The following THOC7 variants were observed in gnomAD, a reference collection of about 807,000 sequenced individuals.
The protein encoded by THOC7 is THO complex subunit 7.
In THOC7, 22 loss-of-function variants were observed where a neutral mutation model predicts 33.1. The observed-to-expected ratio is 0.66, with a 90% CI of 0.47 to 0.95. THOC7 has a LOEUF of 0.95. Among genes scored for constraint, THOC7 ranks in the 40% least tolerant of loss-of-function variants. THOC7 has a pLI of 0.00. For missense variants in THOC7, 184 were observed against 245.3 expected (o/e 0.75, Z 1.67); for synonymous variants, 77 against 76.8 (o/e 1.00, Z -0.01).
intron 1 of THOC7, among the ~76,000 whole-genome samples, chr3:63,850,331 G>C (rs931903435): frequency 3.3e-5 from 5 of 151,582 alleles, no homozygotes; most frequent in African/African-American, 1.2e-4. Context: ...CTCACAAGTA[G>C]CTGGGATTAT....
intron 1 of THOC7, chr3:63,863,479 C>G (rs902699208): frequency 3.4e-6 from 4 of 1,166,976 alleles, no homozygotes; most frequent in Non-Finnish European, 4.2e-6. Context: ...GTGTTCCCAG[C>G]CCACCGACCA....
At chr3:63,860,087 G>A (rs1702180582) in intron 1 of THOC7, among the ~76,000 whole-genome samples, 1 of 152,232 alleles carries the variant, frequency 6.6e-6, no homozygotes, top group Non-Finnish European at 1.5e-5. Flanking sequence ...TCCTGCCTCA[G>A]CCTCCTGAGT....
chr3:63,855,144 C>T (rs1702092283), intron 1 of THOC7, among the ~76,000 whole-genome samples: 1 of 152,050 alleles, frequency 6.6e-6, no homozygotes, highest in Non-Finnish European at 1.5e-5. Context: ...ATCAAAATGC[C>T]TCATATCCAA....
intron 1 of THOC7, among the ~76,000 whole-genome samples, chr3:63,843,519 T>C (rs1701814420): frequency 6.6e-6 from 1 of 152,172 alleles, no homozygotes; most frequent in African/African-American, 2.4e-5. Flanking sequence ...GTCAAAGAGG[T>C]ATCTGCACTC....
intron 1 of THOC7, among the ~76,000 whole-genome samples, chr3:63,854,401 T>G (rs541898140): frequency 6.6e-6 from 1 of 152,366 alleles, no homozygotes; most frequent in Admixed American, 6.5e-5. Context: ...CAAATTATCA[T>G]GCTTGAAACC....
chr3:63,835,237 A>G lies in THOC7; in HGVS notation c.478-14T>C, dbSNP rs1398680576. ...TCTCAATTCCAGCTGTGTTAACAAG[A>G]AAAAAATTTATACAAATGACCTGTA... On this transcript the variant is annotated splice_polypyrimidine_tract_variant and intron_variant, in intron 6 of 7. Transcript: ENST00000295899. 6 of 1,613,414 alleles carry G rather than the reference A, an allele frequency of 3.7e-6. No individual in the cohort carries two copies. The Admixed American group carries it at 1.0e-4, about 27-fold the overall frequency.
At chr3:63,841,091 A>G (rs1285721794) in intron 1 of THOC7, among the ~76,000 whole-genome samples, 3 of 152,248 alleles carry the variant, frequency 2.0e-5, no homozygotes, top group Non-Finnish European at 4.4e-5. Context: ...AGCCAAAAGA[A>G]TAGTGCAGAT....
At chr3:63,843,169 A>T (rs894009602) in intron 1 of THOC7, among the ~76,000 whole-genome samples, 2 of 151,980 alleles carry the variant, frequency 1.3e-5, no homozygotes, top group Admixed American at 1.3e-4. Context: ...TCCAGGCTAG[A>T]GTACAGTGGC....
intron 2 of THOC7, among the ~76,000 whole-genome samples, chr3:63,839,144 T>C (rs1370281091): frequency 1.3e-5 from 2 of 152,042 alleles, no homozygotes; most frequent in African/African-American, 4.8e-5. Context: ...GAGCCAAGAT[T>C]GTGCCATTGC....
intron 1 of THOC7, among the ~76,000 whole-genome samples, chr3:63,845,284 G>C (rs550294192): frequency 6.6e-6 from 1 of 152,280 alleles, no homozygotes; most frequent in African/African-American, 2.4e-5. Context: ...TTGTACTGTG[G>C]CAGGGCACAT....
intron 1 of THOC7, among the ~76,000 whole-genome samples, chr3:63,852,119 T>G (rs1031537386): frequency 6.6e-6 from 1 of 152,190 alleles, no homozygotes; most frequent in African/African-American, 2.4e-5. Context: ...GATACAGCCA[T>G]AAAACTTGGT....
At chr3:63,855,412 A>T (rs866608525) in intron 1 of THOC7, among the ~76,000 whole-genome samples, 39 of 152,282 alleles carry the variant, frequency 2.6e-4, no homozygotes, top group African/African-American at 9.1e-4. Flanking sequence ...GACACCAAAT[A>T]AGCCTCAAAA....
intron 1 of THOC7, among the ~76,000 whole-genome samples, chr3:63,851,748 G>C (rs542103309): frequency 3.3e-5 from 5 of 152,274 alleles, no homozygotes; most frequent in Admixed American, 2.0e-4. Flanking sequence ...TGTCTGTTCT[G>C]TGCTTCTACG....
chr3:63,856,644 G>A (rs1269754480), intron 1 of THOC7, among the ~76,000 whole-genome samples: 2 of 152,138 alleles, frequency 1.3e-5, no homozygotes, highest in South Asian at 2.1e-4. Context: ...CAGCAGATAC[G>A]TAACACTTAA....
chr3:63,842,361 G>A (rs1701783156), intron 1 of THOC7, among the ~76,000 whole-genome samples: 1 of 152,086 alleles, frequency 6.6e-6, no homozygotes, highest in Non-Finnish European at 1.5e-5. Context: ...TACACTATTG[G>A]TGGAATGTAA....
chr3:63,836,476 A>G (rs1701637254), intron 4 of THOC7, 118 bp from the exon 5 acceptor site: 1 of 914,084 alleles, frequency 1.1e-6, no homozygotes, highest in East Asian at 2.5e-5. Flanking sequence ...AAGAAATGAA[A>G]TCACTGAAAG....
intron 1 of THOC7, among the ~76,000 whole-genome samples, chr3:63,859,290 T>A (rs60505027): frequency 0.2 from 30,800 of 152,194 alleles, 3,318 homozygotes; most frequent in African/African-American, 0.27. Flanking sequence ...ACAATCCTCC[T>A]ATCATTTCTA....
chr3:63,856,784 C>G (rs1014229246), intron 1 of THOC7, among the ~76,000 whole-genome samples: 2 of 151,680 alleles, frequency 1.3e-5, no homozygotes, highest in African/African-American at 4.8e-5. Flanking sequence ...GTGGCGCTAT[C>G]TCGGCTCACT....
chr3:63,837,952 C>A, intron 4 of THOC7, 24 bp downstream of exon 4: 1 of 1,597,122 alleles, frequency 6.3e-7, no homozygotes, highest in Non-Finnish European at 8.5e-7. Context: ...TGTATTTGCA[C>A]ATTAAATCCC....
Sources: gnomAD v4.1 joint callset for allele counts (sites outside exome capture counted in the v4.1 genomes callset) on GRCh38, gnomAD v4.1.1 for gene constraint, MANE v1.5 for transcripts, NCBI Gene and HGNC (gene_info 2026-07-23, HGNC 2026-07-21) for gene names.